The following MKLN1 variants were observed in gnomAD, a reference collection of about 807,000 sequenced individuals.
The protein encoded by MKLN1 is muskelin.
MKLN1 carries 18 observed loss-of-function variants against 99.0 expected under a neutral mutation model. The ratio of observed to expected loss-of-function variants is 0.18; its 90% confidence interval spans 0.13 to 0.27. MKLN1 has a LOEUF of 0.27. MKLN1 is among the 10% of genes least tolerant of loss of function. The pLI, the probability that MKLN1 is intolerant of heterozygous loss-of-function variation, is 1.00. For synonymous variants in MKLN1, 288 were observed against 293.2 expected, an observed-to-expected ratio of 0.98 and a Z score of 0.18; for missense variants, 621 against 875.9, an observed-to-expected ratio of 0.71 and a Z score of 3.67.
chr7:131,288,481 T>C (rs73726320), intron 3 of MKLN1, among the ~76,000 whole-genome samples: 1,546 of 152,294 alleles, frequency 0.01, 25 homozygotes, highest in African/African-American at 0.035. Context: ...GCCTTCAGTT[T>C]TGTGCCATGA....
At chr7:131,353,335 A>G (rs1257164440) in intron 1 of MKLN1, among the ~76,000 whole-genome samples, 1 of 150,992 alleles carries the variant, frequency 6.6e-6, no homozygotes, top group African/African-American at 2.4e-5. Flanking sequence ...ATTTTTTTTT[A>G]TTCCTCTAAT....
intron 16 of MKLN1, among the ~76,000 whole-genome samples, chr7:131,473,860 A>C (rs951064474): frequency 6.6e-5 from 10 of 152,206 alleles, no homozygotes; most frequent in African/African-American, 1.9e-4. Flanking sequence ...GAATTGAATA[A>C]GTACTGGGCC....
chr7:131,238,101 C>G, intron 3 of MKLN1, among the ~76,000 whole-genome samples: 1 of 152,048 alleles, frequency 6.6e-6, no homozygotes, highest in East Asian at 1.9e-4. Context: ...GAGCTGAGAT[C>G]ATGCCACTGC....
At chr7:131,309,114 T>G (rs1170999305) in intron 3 of MKLN1, among the ~76,000 whole-genome samples, 2 of 152,240 alleles carry the variant, frequency 1.3e-5, no homozygotes, top group African/African-American at 4.8e-5. Flanking sequence ...TTTCCAGGCT[T>G]TCCCTGTGTA....
chr7:131,451,163 A>G (rs911499531), intron 12 of MKLN1, among the ~76,000 whole-genome samples: 1 of 152,194 alleles, frequency 6.6e-6, no homozygotes, highest in Non-Finnish European at 1.5e-5. Context: ...TTAAATTCCC[A>G]CATTTTTAAA....
At chr7:131,188,886 C>T (rs1422415750) in intron 2 of MKLN1, among the ~76,000 whole-genome samples, 1 of 152,208 alleles carries the variant, frequency 6.6e-6, no homozygotes, top group African/African-American at 2.4e-5. Flanking sequence ...TATTCAGCCC[C>T]ACCCACAGAT....
intron 1 of MKLN1, among the ~76,000 whole-genome samples, chr7:131,127,113 C>T (rs570578476): frequency 5.4e-5 from 8 of 149,264 alleles, no homozygotes; most frequent in South Asian, 2.1e-4. Flanking sequence ...TGCGGTGAGC[C>T]GAGATCATGC....
At chr7:131,186,342 C>A (rs1183932157) in intron 2 of MKLN1, among the ~76,000 whole-genome samples, 1 of 151,938 alleles carries the variant, frequency 6.6e-6, no homozygotes. Flanking sequence ...TGTCTCTATA[C>A]AAAATAATTT....
chr7:131,251,273 T>C (rs1387069491), intron 3 of MKLN1, among the ~76,000 whole-genome samples: 1 of 152,208 alleles, frequency 6.6e-6, no homozygotes, highest in Non-Finnish European at 1.5e-5. Flanking sequence ...AAATCCCCTT[T>C]GAGCACCAAA....
At chr7:131,454,612 G>A (rs1796280973) in intron 12 of MKLN1, among the ~76,000 whole-genome samples, 1 of 152,180 alleles carries the variant, frequency 6.6e-6, no homozygotes, top group African/African-American at 2.4e-5. Flanking sequence ...TTAATGGCAA[G>A]TTGCCTAACC....
chr7:131,227,188 C>A (rs532920235), intron 3 of MKLN1, among the ~76,000 whole-genome samples: 1 of 152,228 alleles, frequency 6.6e-6, no homozygotes, highest in Non-Finnish European at 1.5e-5. Context: ...CTTCCCTGCT[C>A]TGCTCAGCGT....
intron 1 of MKLN1, among the ~76,000 whole-genome samples, chr7:131,363,588 T>C (rs1800091520): frequency 6.6e-6 from 1 of 152,110 alleles, no homozygotes; most frequent in Non-Finnish European, 1.5e-5. Flanking sequence ...ATGTGTTATC[T>C]AACTTTACTT....
chr7:131,315,398 T>C (rs1312822810), intron 3 of MKLN1, among the ~76,000 whole-genome samples: 1 of 152,142 alleles, frequency 6.6e-6, no homozygotes, highest in Non-Finnish European at 1.5e-5. Flanking sequence ...CCCACGGTAT[T>C]TGCAAGCCGG....
At chr7:131,227,395 TTC>T (rs957139705) in intron 3 of MKLN1, among the ~76,000 whole-genome samples, 1 of 151,690 alleles carries the variant, frequency 6.6e-6, no homozygotes, top group Non-Finnish European at 1.5e-5. Flanking sequence ...TTTTCTTTCT[TTC>T]TCTCTTTCTT....
intron 6 of MKLN1, among the ~76,000 whole-genome samples, chr7:131,404,927 A>AACAAACAC (rs1430805680): frequency 6.6e-6 from 1 of 151,752 alleles, no homozygotes; most frequent in Non-Finnish European, 1.5e-5. Flanking sequence ...ACTTGGTTAA[A>AACAAACAC]ACAAACAAAC....
chr7:131,214,258 C>T (rs564237195), intron 3 of MKLN1, among the ~76,000 whole-genome samples: 2 of 152,228 alleles, frequency 1.3e-5, no homozygotes, highest in African/African-American at 4.8e-5. Flanking sequence ...ATAGTCTAAG[C>T]CCGTCATAGT....
intron 2 of MKLN1, among the ~76,000 whole-genome samples, chr7:131,190,895 A>G (rs1195588146): frequency 1.3e-5 from 2 of 152,204 alleles, no homozygotes; most frequent in Non-Finnish European, 2.9e-5. Flanking sequence ...CAACTCAGGC[A>G]GGTCTGTTAG....
At chr7:131,341,927 G>A (rs1426310175) in intron 1 of MKLN1, among the ~76,000 whole-genome samples, 2 of 152,282 alleles carry the variant, frequency 1.3e-5, no homozygotes, top group South Asian at 4.1e-4. Context: ...TTCCTTACAG[G>A]AACCAGTACT....
intron 2 of MKLN1, among the ~76,000 whole-genome samples, chr7:131,165,334 C>T (rs770469002): frequency 5.9e-4 from 90 of 152,062 alleles, no homozygotes; most frequent in African/African-American, 1.2e-3. Context: ...TACAGGCACG[C>T]GATACCATGC....
Sources: gnomAD v4.1 joint callset for allele counts (sites outside exome capture counted in the v4.1 genomes callset) on GRCh38, gnomAD v4.1.1 for gene constraint, MANE v1.5 for transcripts, NCBI Gene and HGNC (gene_info 2026-07-23, HGNC 2026-07-21) for gene names.